Variants in HNF4A observed in about 807,000 individuals in gnomAD.
HNF4A encodes the protein hepatocyte nuclear factor 4 alpha.
A neutral mutation model predicts 52.4 loss-of-function variants in HNF4A; 15 were observed. The observed-to-expected ratio is 0.29, with a 90% CI of 0.19 to 0.44. The LOEUF (loss-of-function observed/expected upper bound fraction) is 0.44, where lower values mean the gene tolerates loss of function less well. Among genes scored for constraint, HNF4A ranks in the 20% least tolerant of loss-of-function variants. The probability of loss-of-function intolerance (pLI) is 1.00; values close to 1 mark genes in which losing one functional copy is unlikely to be tolerated. For synonymous variants in HNF4A, 280 were observed against 264.4 expected (o/e 1.06, Z -0.57); for missense variants, 479 against 647.2 (o/e 0.74, Z 2.82).
chr20:44,420,831 A>G (rs2063734562), intron 7 of HNF4A, among the ~76,000 whole-genome samples: 1 of 151,718 alleles, frequency 6.6e-6, no homozygotes, highest in South Asian at 2.1e-4. Context: ...AATAATAATA[A>G]ATAAATAAAT....
rs546414656 is a variant in HNF4A at position 44,419,051 on chromosome 20, C to T, written c.736+539C>T. On this transcript the variant is annotated intron_variant, in intron 6 of 9. Transcript: ENST00000316099. The stretch of plus-strand genomic sequence containing the variant: ...TCAGTCTCCCAAAGTGCTGGGATTA[C>T]AGGTGTGAGCCACCGCGCCTGGCCT... Among the ~76,000 whole-genome samples the T allele has an allele frequency of 3.9e-5, 6 of 152,298 alleles. No homozygotes were observed. In the East Asian group the frequency reaches 1.2e-3, roughly 29 times the overall value.
chr20:44,395,911 G>T (rs894907544), intron 1 of HNF4A, among the ~76,000 whole-genome samples: 1 of 152,198 alleles, frequency 6.6e-6, no homozygotes, highest in Non-Finnish European at 1.5e-5. Flanking sequence ...CCAAGGGGAA[G>T]TGAAGATGCC....
rs539504819 is a variant in HNF4A at position 44,407,182 on chromosome 20, C to T, written c.291-199C>T. 1.8e-4 allele frequency among the ~76,000 whole-genome samples: 27 copies of T among 152,286 alleles called. No individual in the cohort carries two copies. In the South Asian group the frequency reaches 5.4e-3, roughly 30 times the overall value. ...TTGCCTCTCTGAGCCTCAGTTTTCC[C>T]ATGTTTAGCAGGACAGGACTGGGCT... On this transcript the variant is annotated intron_variant, in intron 2 of 9. Coordinates refer to ENST00000316099, the MANE Select transcript of HNF4A (RefSeq NM_000457.6).
chr20:44,418,792 T>C (rs2063702669), intron 6 of HNF4A, among the ~76,000 whole-genome samples: 1 of 152,236 alleles, frequency 6.6e-6, no homozygotes, highest in Admixed American at 6.5e-5. Context: ...TCCTTTTTTC[T>C]TTTGACAGAG....
chr20:44,379,374 C>T (rs2063124813), intron 1 of HNF4A, among the ~76,000 whole-genome samples: 1 of 152,070 alleles, frequency 6.6e-6, no homozygotes, highest in South Asian at 2.1e-4. Context: ...AGCCGCCATA[C>T]TGCTTGCCAC....
At chr20:44,366,595 T>G (rs990225256) in intron 1 of HNF4A, among the ~76,000 whole-genome samples, 4 of 152,030 alleles carry the variant, frequency 2.6e-5, no homozygotes, top group African/African-American at 9.7e-5. Flanking sequence ...TACTCCAACC[T>G]GGGCAACAGA....
rs1267223919 is a variant in HNF4A, at chr20:44,390,622, C to T, written c.50-15436C>T. Reference sequence around the variant, plus strand: ...AGAGGTTGTGCACTGTGCGGGACCCCATAGCAGCAGGAGGAGGATGTCGGA... The same window carrying T: ...AGAGGTTGTGCACTGTGCGGGACCCTATAGCAGCAGGAGGAGGATGTCGGA... On this transcript the variant is annotated intron_variant, in intron 1 of 9. Coordinates refer to the HNF4A transcript ENST00000316673. 10 of 702,520 alleles carry T rather than the reference C, an allele frequency of 1.4e-5. No individual in the cohort carries two copies. The East Asian group carries it at 2.1e-4, about 15-fold the overall frequency. The allele number at this position is 702,520 out of a possible 1,614,324, so 43.5% of individuals were successfully genotyped here.
chr20:44,368,160 A>ATATATATATATATATATTTTT (rs1200638153), intron 1 of HNF4A, among the ~76,000 whole-genome samples: 1 of 27,780 alleles, frequency 3.6e-5, no homozygotes, highest in African/African-American at 1.5e-4. Context: ...ATATATATAT[A>ATATATATATATATATATTTTT]TTTTTTTTTT....
chr20:44,402,505 T>A, intron 1 of HNF4A: 1 of 1,269,122 alleles, frequency 7.9e-7, no homozygotes, highest in Non-Finnish European at 1.1e-6. Flanking sequence ...TTGTTGCCAC[T>A]CACCAAGTGA....
chr20:44,410,564 G>A (rs938055485), intron 3 of HNF4A, among the ~76,000 whole-genome samples: 3 of 152,116 alleles, frequency 2.0e-5, no homozygotes, highest in African/African-American at 7.2e-5. Context: ...GGCCAGGAGA[G>A]TTGGGACAAG....
chr20:44,393,722 T>C (rs1300258898), intron 1 of HNF4A, among the ~76,000 whole-genome samples: 1 of 152,110 alleles, frequency 6.6e-6, no homozygotes, highest in Non-Finnish European at 1.5e-5. Flanking sequence ...TCAATGTGTA[T>C]ATTTTGCTTC....
At chr20:44,373,248 C>T (rs900290020) in intron 1 of HNF4A, among the ~76,000 whole-genome samples, 3 of 152,180 alleles carry the variant, frequency 2.0e-5, no homozygotes, top group African/African-American at 7.2e-5. Context: ...TTCCTGGGCT[C>T]AAGCCATCCT....
chr20:44,418,466 C>T lies in HNF4A; in HGVS notation c.690C>T (p.Leu230=), dbSNP rs759084238. 3.5e-5 allele frequency: 56 copies of T among 1,613,802 alleles called. No homozygotes were observed. The East Asian group carries it at 4.0e-4, about 12-fold the overall frequency. Reference sequence around the variant, plus strand: ...CCCATGCTGGCGAGCACCTGCTGCTCGGAGCCACCAAGAGATCCATGGTGT... The same window carrying T: ...CCCATGCTGGCGAGCACCTGCTGCTTGGAGCCACCAAGAGATCCATGGTGT... Residue 230 remains leucine, a synonymous_variant, in exon 6 of 10, where the codon CTC becomes CTT. Transcript: ENST00000316099.
intron 5 of HNF4A, among the ~76,000 whole-genome samples, chr20:44,417,954 G>A (rs1301942059): frequency 1.4e-5 from 2 of 148,000 alleles, no homozygotes; most frequent in African/African-American, 2.5e-5. Context: ...GGGTGACAGA[G>A]TGAGACTCTG....
chr20:44,399,331 A>G (rs556342398), upstream of HNF4A, among the ~76,000 whole-genome samples: 1 of 152,306 alleles, frequency 6.6e-6, no homozygotes, highest in Admixed American at 6.5e-5. Flanking sequence ...AGCCCTGAGA[A>G]GAGACGATGT....
At chr20:44,358,128 T>A (rs1320869243) in intron 1 of HNF4A, among the ~76,000 whole-genome samples, 1 of 146,722 alleles carries the variant, frequency 6.8e-6, no homozygotes, top group African/African-American at 2.5e-5. Flanking sequence ...ATCTACCTTA[T>A]TTAAAAAAAA....
At chr20:44,356,683 C>T (rs1280420605) in intron 1 of HNF4A, among the ~76,000 whole-genome samples, 3 of 152,182 alleles carry the variant, frequency 2.0e-5, no homozygotes, top group African/African-American at 2.4e-5. Context: ...CACGCGTATA[C>T]GTGTACATTC....
chr20:44,414,923 T>G (rs998052254), intron 5 of HNF4A, among the ~76,000 whole-genome samples: 10 of 152,092 alleles, frequency 6.6e-5, no homozygotes, highest in Non-Finnish European at 1.3e-4. Flanking sequence ...CACAGAGAGG[T>G]TAAGTAACCT....
intron 2 of HNF4A, 87 bp downstream of exon 2, chr20:44,406,319 C>A: frequency 8.1e-7 from 1 of 1,230,094 alleles, no homozygotes; most frequent in Non-Finnish European, 1.2e-6. Flanking sequence ...GTGGGTAGGT[C>A]CCAGAGACAG....
Sources: allele counts gnomAD v4.1 joint callset (sites outside exome capture counted in the v4.1 genomes callset), GRCh38; gene constraint gnomAD v4.1.1; transcripts MANE v1.5; gene names NCBI Gene and HGNC (gene_info 2026-07-23, HGNC 2026-07-21).